AGFG1: variants seen among roughly 807,000 people sequenced by gnomAD.
AGFG1 encodes the protein arf-GAP domain and FG repeat-containing protein 1.
Under a neutral mutation model 60.6 loss-of-function variants are expected in AGFG1, and 10 were observed. The observed-to-expected ratio is 0.16, with a 90% CI of 0.10 to 0.28. The LOEUF (loss-of-function observed/expected upper bound fraction) is 0.28. Ranked by LOEUF, AGFG1 falls within the 10% of genes least tolerant of loss-of-function variation. The pLI, the probability that AGFG1 is intolerant of heterozygous loss-of-function variation, is 1.00. For synonymous variants in AGFG1, 247 were observed against 242.9 expected (o/e 1.02, Z -0.16); for missense variants, 537 against 676.5 (o/e 0.79, Z 2.29).
intron 3 of AGFG1, among the ~76,000 whole-genome samples, chr2:227,521,304 T>C (rs937516090): frequency 2.6e-5 from 4 of 152,074 alleles, no homozygotes; most frequent in Non-Finnish European, 4.4e-5. Context: ...TGACCTCAGG[T>C]GATCCACCTG....
chr2:227,515,799 G>A (rs1047547870), intron 2 of AGFG1, among the ~76,000 whole-genome samples: 1 of 151,726 alleles, frequency 6.6e-6, no homozygotes, highest in Admixed American at 6.6e-5. Context: ...GTTTATTTTA[G>A]TAAAAAACCA....
intron 1 of AGFG1, among the ~76,000 whole-genome samples, chr2:227,475,456 C>A (rs1003556667): frequency 6.6e-6 from 1 of 152,132 alleles, no homozygotes; most frequent in East Asian, 1.9e-4. Flanking sequence ...GAGTGGCAAC[C>A]ATCAAATGTC....
chr2:227,481,559 A>T (rs1690464928), intron 1 of AGFG1, among the ~76,000 whole-genome samples: 1 of 152,192 alleles, frequency 6.6e-6, no homozygotes, highest in Admixed American at 6.5e-5. Context: ...GGCTTTCTCC[A>T]TAAAGTCACT....
In AGFG1 at chr2:227,496,366, T is replaced by C. The variant is rs570212001; in HGVS notation, c.261+4726T>C. ...CTACTGTGGGAGAATGGCGTGAACC[T>C]GGGTGGTGGAGCTTGCAGTGAGCCG... On this transcript the variant is annotated intron_variant, in intron 2 of 12. Transcript: ENST00000310078. Among the ~76,000 whole-genome samples, 11 of 148,838 alleles carry C rather than the reference T, an allele frequency of 7.4e-5. No individual in the cohort carries two copies. The East Asian group carries it at 1.8e-3, about 24-fold the overall frequency.
Position 227,472,617 on chromosome 2 carries a change from G to T in AGFG1, c.167+29G>T, listed in dbSNP as rs376094083. On this transcript the variant is annotated intron_variant, in intron 1 of 12. Coordinates refer to ENST00000310078, the MANE Select transcript of AGFG1 (RefSeq NM_004504.5). ...AGTGCGGGGCGGCCGGGCGGGTGTC[G>T]GGCCCTTCCCGGGAGGTGGGGGAGC... 35 of 1,551,180 alleles carry T rather than the reference G, an allele frequency of 2.3e-5. No individual in the cohort carries two copies. The African/African-American group carries it at 2.3e-4, about 10-fold the overall frequency.
chr2:227,492,849 T>C (rs1690859842), intron 2 of AGFG1, among the ~76,000 whole-genome samples: 1 of 151,988 alleles, frequency 6.6e-6, no homozygotes, highest in East Asian at 1.9e-4. Flanking sequence ...CATAGAATAA[T>C]ATATATATTG....
chr2:227,493,807 G>A (rs1354033262), intron 2 of AGFG1, among the ~76,000 whole-genome samples: 1 of 152,120 alleles, frequency 6.6e-6, no homozygotes, highest in African/African-American at 2.4e-5. Context: ...CATGGTATTA[G>A]ATAAATAATG....
At chr2:227,506,585 T>C (rs1044660018) in intron 2 of AGFG1, among the ~76,000 whole-genome samples, 2 of 124,272 alleles carry the variant, frequency 1.6e-5, no homozygotes, top group Non-Finnish European at 3.4e-5. Context: ...AAAAAGCACA[T>C]AGGCACATAC....
At chr2:227,498,165 A>G (rs919275668) in intron 2 of AGFG1, among the ~76,000 whole-genome samples, 1 of 151,984 alleles carries the variant, frequency 6.6e-6, no homozygotes, top group Non-Finnish European at 1.5e-5. Context: ...TTTTTTCCCC[A>G]GGTTTGGTAA....
intron 2 of AGFG1, among the ~76,000 whole-genome samples, chr2:227,517,683 A>T (rs1022000121): frequency 6.6e-6 from 1 of 152,224 alleles, no homozygotes; most frequent in Non-Finnish European, 1.5e-5. Flanking sequence ...AGCAGGTAAG[A>T]TTGAGAAGTA....
rs201654294 is a variant in AGFG1 at position 227,536,670 on chromosome 2, G to T, written c.1251G>T (p.Gln417His). ...TVPVVASAQT[Q>H]PASSSVPAPF... ...CAGTGGTTGCTTCTGCACAGACACA[G>T]CCTGCTTCATCAAGTGTGCCTGCTC... The change falls in exon 9 of 13, where the codon CAG becomes CAT. Residue 417 changes from glutamine (Q) to histidine (H), a missense_variant. Around this residue, in one of 4 missense-constraint regions of AGFG1, gnomAD observed 287 missense variants for 343.6 expected, o/e 0.84. Transcript: ENST00000310078. 6.8e-6 allele frequency: 11 copies of T among 1,613,606 alleles called. No homozygotes were observed. In the East Asian group the frequency reaches 2.5e-4, roughly 36 times the overall value.
intron 2 of AGFG1, among the ~76,000 whole-genome samples, chr2:227,494,783 A>G (rs887120107): frequency 1.3e-5 from 2 of 152,186 alleles, no homozygotes; most frequent in African/African-American, 2.4e-5. Context: ...TGAACATCCT[A>G]TTGCCAAAGA....
chr2:227,529,000 T>A lies in AGFG1; in HGVS notation c.695-2091T>A, dbSNP rs562383794. Among the ~76,000 whole-genome samples, 4 of 152,312 alleles carry A rather than the reference T, an allele frequency of 2.6e-5. No individual in the cohort carries two copies. In the East Asian group the frequency reaches 7.7e-4, roughly 29 times the overall value. ...GTGAGTCAGGCTGCCTGAGAGGAGT[T>A]GTTTTTTAGTCTGAAGTTCTTAATT... On this transcript the variant is annotated intron_variant, in intron 5 of 12. Transcript: ENST00000310078.
chr2:227,475,687 C>T (rs1045146563), intron 1 of AGFG1, among the ~76,000 whole-genome samples: 6 of 152,106 alleles, frequency 3.9e-5, no homozygotes, highest in Admixed American at 1.3e-4. Context: ...TATGCTAGGC[C>T]ACTACATGCA....
chr2:227,505,200 T>A (rs1299036993), intron 2 of AGFG1, among the ~76,000 whole-genome samples: 1 of 114,226 alleles, frequency 8.8e-6, no homozygotes, highest in African/African-American at 2.7e-5. Context: ...TTACTTTATC[T>A]CATACTTATA....
chr2:227,489,174 G>T (rs750258150), intron 1 of AGFG1, among the ~76,000 whole-genome samples: 9 of 149,246 alleles, frequency 6.0e-5, no homozygotes, highest in Non-Finnish European at 1.3e-4. Flanking sequence ...AGCTTTAAAG[G>T]TACTTGCAAG....
chr2:227,495,857 G>C (rs6414208), intron 2 of AGFG1, among the ~76,000 whole-genome samples: 107,318 of 151,766 alleles, frequency 0.71, 37,931 homozygotes, highest in South Asian at 0.77. Flanking sequence ...AATCCCAGCT[G>C]TTTGGGAGGC....
At chr2:227,504,479 C>A (rs1691254146) in intron 2 of AGFG1, among the ~76,000 whole-genome samples, 1 of 152,222 alleles carries the variant, frequency 6.6e-6, no homozygotes, top group Admixed American at 6.5e-5. Context: ...GGGCTTGAGC[C>A]ACTGTGCCCA....
chr2:227,515,717 T>A (rs1691629560), intron 2 of AGFG1, among the ~76,000 whole-genome samples: 1 of 152,132 alleles, frequency 6.6e-6, no homozygotes, highest in African/African-American at 2.4e-5. Context: ...CCACAAGTCT[T>A]CAGTGCTTCC....
Sources: allele counts gnomAD v4.1 joint callset (sites outside exome capture counted in the v4.1 genomes callset), GRCh38; gene constraint gnomAD v4.1.1; regional missense constraint gnomAD v4.1.1; transcripts MANE v1.5; gene names NCBI Gene and HGNC (gene_info 2026-07-23, HGNC 2026-07-21).